KBTBD12: variants seen among roughly 807,000 people sequenced by gnomAD.
KBTBD12 encodes the protein kelch repeat and BTB domain containing 12.
In KBTBD12, 53 loss-of-function variants were observed where a neutral mutation model predicts 58.7. That is an observed-to-expected ratio of 0.90 (90% CI 0.72 to 1.14). The LOEUF (loss-of-function observed/expected upper bound fraction) is 1.14, where lower values mean the gene tolerates loss of function less well. Among genes scored for constraint, KBTBD12 ranks in the 50% most tolerant of loss-of-function variants. The pLI is 0.00. For missense variants in KBTBD12, 704 were observed against 751.3 expected, an observed-to-expected ratio of 0.94 and a Z score of 0.74; for synonymous variants, 236 against 259.8, an observed-to-expected ratio of 0.91 and a Z score of 0.88.
At position 127,971,667 on chromosome 3, in the gene KBTBD12, AG is replaced by A. The variant is rs2107614408; in HGVS notation, c.1690+8284del. On this transcript the variant is annotated intron_variant, in intron 5 of 5. Transcript: ENST00000405109. ...AGCTCAGGGAGCAGGCTGAGGGAGC[AG>A]GGAGGCCTCCTGTTTCTCCACTTCA... Among the ~76,000 whole-genome samples the A allele has an allele frequency of 1.3e-5, 2 of 152,244 alleles. 1 individual carries two copies. The highest frequency in any genetic ancestry group is 4.1e-4 in the South Asian group (2 of 4,830).
intron 5 of KBTBD12, among the ~76,000 whole-genome samples, chr3:127,970,605 A>G (rs1221922525): frequency 6.6e-6 from 1 of 152,248 alleles, no homozygotes; most frequent in Admixed American, 6.5e-5. Context: ...ATTTGGCAAT[A>G]AAAAGGAATG....
chr3:127,918,438 C>G (rs1167087002), intron 1 of KBTBD12, among the ~76,000 whole-genome samples: 1 of 152,046 alleles, frequency 6.6e-6, no homozygotes, highest in East Asian at 1.9e-4. Context: ...GTTAGCCAGG[C>G]GCGGTGGCTC....
At chr3:127,949,560 TG>T (rs1001549856) in intron 4 of KBTBD12, among the ~76,000 whole-genome samples, 4 of 152,222 alleles carry the variant, frequency 2.6e-5, no homozygotes, top group African/African-American at 9.7e-5. Context: ...TTATTAAGTG[TG>T]GGGACTATGA....
chr3:127,956,951 A>G (rs1260184887), intron 4 of KBTBD12, among the ~76,000 whole-genome samples: 1 of 152,214 alleles, frequency 6.6e-6, no homozygotes, highest in Non-Finnish European at 1.5e-5. Context: ...ATGTTCCACT[A>G]TATTTGGTAT....
chr3:127,952,545 C>T (rs528368155), intron 4 of KBTBD12, among the ~76,000 whole-genome samples: 3 of 152,292 alleles, frequency 2.0e-5, no homozygotes, highest in African/African-American at 7.2e-5. Context: ...ATTTTACATA[C>T]AAGACTATAT....
chr3:127,936,361 G>A (rs79785638), intron 4 of KBTBD12, among the ~76,000 whole-genome samples: 22,872 of 145,210 alleles, frequency 0.16, 1,961 homozygotes, highest in South Asian at 0.33. Flanking sequence ...GCAAGACTCC[G>A]CTCAGGAGTA....
At chr3:127,936,355 G>C (rs942987111) in intron 4 of KBTBD12, among the ~76,000 whole-genome samples, 4 of 147,632 alleles carry the variant, frequency 2.7e-5, no homozygotes, top group African/African-American at 1.0e-4. Context: ...GACAGAGCAA[G>C]ACTCCGCTCA....
In KBTBD12 at chr3:127,964,908, T is replaced by C. The variant is rs964324220; in HGVS notation, c.1690+1522T>C. 4.6e-5 allele frequency among the ~76,000 whole-genome samples: 7 copies of C among 152,218 alleles called. No individual in the cohort carries two copies. In the South Asian group the frequency reaches 6.2e-4, roughly 14 times the overall value. ...CTTGGGTAAAGACTGTAATCTATCA[T>C]AGTAGTAAGAAACCTGGCCCAACAA... On this transcript the variant is annotated intron_variant, in intron 5 of 5. Coordinates refer to ENST00000405109, the MANE Select transcript of KBTBD12 (RefSeq NM_207335.4).
chr3:127,956,536 C>T (rs538572596), intron 4 of KBTBD12, among the ~76,000 whole-genome samples: 1 of 151,176 alleles, frequency 6.6e-6, no homozygotes, highest in South Asian at 2.1e-4. Flanking sequence ...CCAAAATATA[C>T]TTTTAGATTG....
Position 127,923,899 on chromosome 3 carries a change from A to C in KBTBD12, c.838A>C (p.Ile280Leu), listed in dbSNP as rs763052821. The C allele has an allele frequency of 6.2e-7, 1 of 1,613,908 alleles. No homozygotes were observed. The highest frequency in any genetic ancestry group is 8.5e-7 in the Non-Finnish European group (1 of 1,179,820). ...GGAGACTACCAGTCTTCTGCTTTGC[A>C]TTGGCAACAATTCTTCAGGAATCAG... ...GMETTSLLLC[I>L]GNNSSGIRSR... The change falls in exon 2 of 6, where the codon ATT (isoleucine) becomes CTT (leucine). Residue 280 changes from isoleucine to leucine, a missense_variant. By Grantham distance (5) the Ile-to-Leu change is conservative. Coordinates refer to ENST00000405109, the MANE Select transcript of KBTBD12 (RefSeq NM_207335.4).
At chr3:127,963,140 T>C (rs375156096) in intron 4 of KBTBD12, 49 bp from the exon 5 acceptor site, 38 of 1,484,804 alleles carry the variant, frequency 2.6e-5, no homozygotes, top group Non-Finnish European at 3.2e-5. Flanking sequence ...CTGTCCACAA[T>C]TGAGTTTCAG....
chr3:127,933,574 G>T (rs1449227189), intron 4 of KBTBD12, among the ~76,000 whole-genome samples: 1 of 152,068 alleles, frequency 6.6e-6, no homozygotes, highest in Non-Finnish European at 1.5e-5. Flanking sequence ...GCCATAGACA[G>T]CCCAAGCTCT....
rs1330096503 is a variant in KBTBD12, at chr3:127,923,410, T to A, written c.349T>A (p.Phe117Ile). The A allele has an allele frequency of 1.2e-6, 2 of 1,613,186 alleles. No homozygotes were observed. Among genetic ancestry groups the A allele is most frequent in the Non-Finnish European group, 1.7e-6 (2 of 1,179,810 alleles). ...AAYFMQMEEV[F>I]SVCQKYMMDH... is the part of the protein sequence containing the mutation. ...CTATTTTATGCAGATGGAAGAAGTC[T>A]TCAGTGTGTGTCAAAAATATATGAT... is the stretch of plus-strand genomic sequence containing the variant. The change falls in exon 2 of 6, where the codon TTC becomes ATC. Residue 117 changes from phenylalanine (F) to isoleucine (I), a missense_variant. By Grantham distance (21) the Phe-to-Ile change is conservative. Transcript: ENST00000405109.
rs1046774671 is a variant in KBTBD12, at chr3:127,927,754, T to G, written c.1071-10T>G. ...CCTCTAATCCTGGATACTCTCTCTC[T>G]CTTTTGCAGGTATCATGATAGAGGA... On this transcript the variant is annotated splice_polypyrimidine_tract_variant and intron_variant, in intron 2 of 5. Coordinates refer to ENST00000405109, the MANE Select transcript of KBTBD12 (RefSeq NM_207335.4). 4 of 1,474,900 alleles carry G rather than the reference T, an allele frequency of 2.7e-6. No individual in the cohort carries two copies. Among genetic ancestry groups the G allele is most frequent in the Non-Finnish European group, 2.7e-6 (3 of 1,108,760 alleles). 91.4% of individuals were successfully genotyped at this position (1,474,900 alleles called of 1,614,324 possible).
In KBTBD12 at chr3:127,927,796, A is replaced by C. The variant is rs1295302066; in HGVS notation, c.1103A>C (p.Lys368Thr). 6.4e-7 allele frequency: 1 copy of C among 1,559,034 alleles called. No homozygotes were observed. Among genetic ancestry groups the C allele is most frequent in the East Asian group, 2.3e-5 (1 of 44,370 alleles). The change falls in exon 3 of 6, where the codon AAG becomes ACG. Residue 368 changes from lysine to threonine, a missense_variant. Physicochemically the swap from Lys to Thr is moderately conservative, Grantham distance 78. Transcript: ENST00000405109. ...YHDRGNQFWE[K>T]LCTAEFRELY... ...GATAGAGGAAACCAGTTTTGGGAAA[A>C]GTTATGCACAGCTGAATTTCGAGAA...
intron 4 of KBTBD12, among the ~76,000 whole-genome samples, chr3:127,949,203 C>T (rs1411513845): frequency 6.6e-6 from 1 of 152,118 alleles, no homozygotes; most frequent in African/African-American, 2.4e-5. Context: ...GAGCTTACTT[C>T]AAGAAGTTGG....
intron 5 of KBTBD12, among the ~76,000 whole-genome samples, chr3:127,966,367 T>G (rs1940570358): frequency 6.6e-6 from 1 of 152,144 alleles, no homozygotes; most frequent in Non-Finnish European, 1.5e-5. Flanking sequence ...ACCGAACATC[T>G]GAGGAAGTGC....
chr3:127,979,900 GCTGT>G (rs1328605654), intron 5 of KBTBD12, among the ~76,000 whole-genome samples: 1 of 152,188 alleles, frequency 6.6e-6, no homozygotes, highest in Non-Finnish European at 1.5e-5. Flanking sequence ...AGTAATATGT[GCTGT>G]CTATGATGCA....
chr3:127,981,597 G>T lies in KBTBD12; in HGVS notation c.1691-2500G>T, dbSNP rs184289778. On this transcript the variant is annotated intron_variant, in intron 5 of 5. Transcript: ENST00000405109. The stretch of plus-strand genomic sequence containing the variant: ...AGTGTCCTGCCAGTTTTCCTCAAAA[G>T]TTCCCACTTTTTCTCCAGTGTGTTT... Among the ~76,000 whole-genome samples the T allele has an allele frequency of 9.2e-5, 14 of 152,258 alleles. No individual in the cohort carries two copies. The East Asian group carries it at 2.7e-3, about 29-fold the overall frequency.
Sources: gnomAD v4.1 joint callset for allele counts (sites outside exome capture counted in the v4.1 genomes callset) on GRCh38, gnomAD v4.1.1 for gene constraint, MANE v1.5 for transcripts, NCBI Gene and HGNC (gene_info 2026-07-23, HGNC 2026-07-21) for gene names.